IGSF1: variants seen among roughly 807,000 people sequenced by gnomAD.
IGSF1 encodes immunoglobulin-like domain-containing protein 1.
Under a neutral mutation model 95.3 loss-of-function variants are expected in IGSF1, and 40 were observed. The ratio of observed to expected loss-of-function variants is 0.42; its 90% CI spans 0.33 to 0.55. The LOEUF (loss-of-function observed/expected upper bound fraction) is 0.55. Among genes scored for constraint, IGSF1 ranks in the 20% least tolerant of loss-of-function variants. The pLI, the probability that IGSF1 is intolerant of heterozygous loss-of-function variation, is 0.10. For synonymous variants in IGSF1, 372 were observed against 382.9 expected (o/e 0.97, Z 0.33); for missense variants, 906 against 1,025.4 (o/e 0.88, Z 1.59).
Position 131,273,637 on chromosome X carries a change from C to T in IGSF1, c.*159G>A. The T allele has an allele frequency of 2.0e-6, 1 of 512,456 alleles. No homozygotes were observed. Among genetic ancestry groups the T allele is most frequent in the African/African-American group, 2.3e-5 (1 of 42,883 alleles). The allele number at this position is 512,456 out of a possible 1,213,427, so 42.2% of individuals were successfully genotyped here. A position where few individuals can be genotyped will look rare whatever the true frequency, so the allele number is the denominator to read the frequency against. On this transcript the variant is annotated 3_prime_UTR_variant, in exon 20 of 20. Transcript: ENST00000361420. ...ACCTCTCTTCAGGAAACATCTCACC[C>T]TGGCAGAGCTCTCAACTCCCAGAAT...
chrX:131,276,264 C>A lies in IGSF1; in HGVS notation c.2609-16G>T. ...GGGTAGAATTCTGAAATTAAAGAGA[C>A]CACAGCATGAGATAAACCCAGCCCT... On this transcript the variant is annotated splice_polypyrimidine_tract_variant and intron_variant, in intron 14 of 19. Coordinates refer to ENST00000361420, the MANE Select transcript of IGSF1 (RefSeq NM_001555.5). The A allele has an allele frequency of 1.7e-6, 2 of 1,188,183 alleles. No individual in the cohort carries two copies. The highest frequency in any genetic ancestry group is 2.4e-5 in the Admixed American group (1 of 41,657).
At chrX:131,284,560 T>TG (rs1285274566) in intron 5 of IGSF1, 26 of 750,247 alleles carry the variant, frequency 3.5e-5, no homozygotes, top group Non-Finnish European at 3.6e-5. Context: ...GGCCATGGGG[T>TG]GGGGGAGTTC....
At position 131,281,298 on chromosome X, in the gene IGSF1, C is replaced by A. The variant is rs145291097; in HGVS notation, c.1566G>T (p.Arg522Ser). 19 of 1,208,930 alleles carry A rather than the reference C, an allele frequency of 1.6e-5. No homozygotes were observed. In the South Asian group the frequency reaches 2.1e-4, roughly 13 times the overall value. Residue 522 changes from arginine to serine, a missense_variant, in exon 9 of 20, where the codon AGG becomes AGT. Arg to Ser is a moderately radical substitution (Grantham distance 110, BLOSUM62 -1). Coordinates refer to ENST00000361420, the MANE Select transcript of IGSF1 (RefSeq NM_001555.5). ...CAACAAGCTGCATGATTAGAGACAA[C>A]CTGATAGCTTCATTCAGAACGTAAT... ...TWNYVLNEAI[R>S]LSLIMQLVAL...
chrX:131,287,987 C>T (rs2080666019), intron 1 of IGSF1, among the ~76,000 whole-genome samples: 1 of 111,841 alleles, frequency 8.9e-6, no homozygotes, highest in South Asian at 3.8e-4. Flanking sequence ...GACCTTGGAC[C>T]TCAGCCTCAA....
chrX:131,281,078 G>C, intron 9 of IGSF1, 140 bp downstream of exon 9: 1 of 630,038 alleles, frequency 1.6e-6, no homozygotes, highest in Non-Finnish European at 2.5e-6. Flanking sequence ...GAGACAGGTG[G>C]GGTGAGAAAG....
At chrX:131,279,061 C>G (rs2080516544) in intron 11 of IGSF1, 82 bp downstream of exon 11, 13 of 1,014,189 alleles carry the variant, frequency 1.3e-5, no homozygotes, top group East Asian at 6.1e-5. Flanking sequence ...ACCAGCCACT[C>G]CCTGGCCAAT....
chrX:131,285,841 C>T lies in IGSF1; in HGVS notation c.305G>A (p.Gly102Asp). 1 of 1,210,751 alleles carries T rather than the reference C, an allele frequency of 8.3e-7. No homozygotes were observed. ...CTTCCAGTAGCAGCACCGGTAAAGA[C>T]CTGCATTGGACTCAGTAAGGGCACC... The part of the protein sequence containing the change: ...LIGALTESNA[G>D]LYRCCYWKET... The change falls in exon 4 of 20, where the codon GGT becomes GAT. Residue 102 changes from glycine (G) to aspartate (D), a missense_variant. Transcript: ENST00000361420.
chrX:131,280,536 C>A (rs1182188822), intron 9 of IGSF1, among the ~76,000 whole-genome samples: 1 of 111,841 alleles, frequency 8.9e-6, no homozygotes, highest in Non-Finnish European at 1.9e-5. Flanking sequence ...GTAGCCTGAG[C>A]ACAAGCCATG....
At position 131,277,950 on chromosome X, in the gene IGSF1, A is replaced by G. The variant is rs943197275; in HGVS notation, c.2226T>C (p.Asp742=). 1 of 1,210,702 alleles carries G rather than the reference A, an allele frequency of 8.3e-7. No homozygotes were observed. ...GGCAGCTGTAATTGCCTTCGTCTTT[A>G]TCCTCCATTCTCTGGATTGTAAAGA... is the stretch of plus-strand genomic sequence containing the variant. The part of the protein sequence containing the change: ...EAFFTIQRME[D]KDEGNYSCRT... The change falls in exon 13 of 20, where the codon GAT becomes GAC. Residue 742 remains aspartate (D), a synonymous_variant. Coordinates refer to ENST00000361420, the MANE Select transcript of IGSF1 (RefSeq NM_001555.5).
chrX:131,281,379 A>C (rs370858857), intron 8 of IGSF1, 41 bp from the exon 9 acceptor site: 9 of 1,203,217 alleles, frequency 7.5e-6, no homozygotes, highest in Non-Finnish European at 1.0e-5. Flanking sequence ...CTTGATGGGG[A>C]CAGGGGCAGG....
rs186052615 is a variant in IGSF1 at position 131,278,993 on chromosome X, G to T, written c.1750+150C>A. On this transcript the variant is annotated intron_variant, in intron 11 of 19. Coordinates refer to ENST00000361420, the MANE Select transcript of IGSF1 (RefSeq NM_001555.5). ...TTGCAGGCAGAAAGGCAAAGTTGGA[G>T]GCTGAATTTTGCCAGCAGCTTTAGC... is the stretch of plus-strand genomic sequence containing the variant. 3,436 of 693,625 alleles carry T rather than the reference G, an allele frequency of 5.0e-3. 15 individuals carry two copies. Among genetic ancestry groups the T allele is most frequent in the Non-Finnish European group, 6.0e-3 (2,622 of 440,254 alleles). The allele number at this position is 693,625 out of a possible 1,213,427, so 57.2% of individuals were successfully genotyped here.
At chrX:131,281,986 C>A (rs1319841808) in intron 7 of IGSF1, 42 bp from the exon 8 acceptor site, 1 of 1,103,830 alleles carries the variant, frequency 9.1e-7, no homozygotes, top group East Asian at 3.0e-5. Context: ...TGACCTCAAA[C>A]CCAGTACCCT....
rs764195808 is a variant in IGSF1, at chrX:131,281,669, C to T, written c.1522G>A (p.Ala508Thr). Residue 508 changes from alanine to threonine, a missense_variant, in exon 8 of 20, where the codon GCA becomes ACA. This residue lies in a region of IGSF1 where 442 missense variants were observed against 448.1 expected (regional missense o/e 0.99). Transcript: ENST00000361420. ...CTCTGAAGAGTTATCCTCTCACCTG[C>T]TGGCCCCATCAGCTTCAGGGGCTCA... is the stretch of plus-strand genomic sequence containing the variant. ...RSEPLKLMGP[A>T]GYLTWNYVLN... 6 of 1,208,616 alleles carry T rather than the reference C, an allele frequency of 5.0e-6. No homozygotes were observed. Among genetic ancestry groups the T allele is most frequent in the Non-Finnish European group, 5.6e-6 (5 of 893,327 alleles).
In IGSF1 at chrX:131,274,095, C is replaced by T. The variant is rs780562961; in HGVS notation, c.3863G>A (p.Arg1288Gln). The change falls in exon 19 of 20, where the codon CGA becomes CAA. Residue 1288 changes from arginine (R) to glutamine (Q), a missense_variant. By Grantham distance (43) the Arg-to-Gln change is conservative. Transcript: ENST00000361420. ...GGCATTTATTTACCTGGTTCGCAGT[C>T]GAGGCCACTTCTTCCACTCTATGGC... ...VLAIEWKKWP[R>Q]LRTRGSETDG... The T allele has an allele frequency of 1.2e-5, 15 of 1,209,536 alleles. No homozygotes were observed. The African/African-American group carries it at 1.6e-4, about 13-fold the overall frequency.
intron 5 of IGSF1, among the ~76,000 whole-genome samples, 161 bp from the exon 6 acceptor site, chrX:131,283,425 G>A (rs769533593): frequency 4.5e-5 from 5 of 111,937 alleles, no homozygotes; most frequent in Non-Finnish European, 7.5e-5. Context: ...ATAATCAAGG[G>A]TAGATTCACT....
intron 13 of IGSF1, 99 bp downstream of exon 13, chrX:131,277,757 C>A: frequency 6.2e-6 from 6 of 969,134 alleles, no homozygotes; most frequent in Non-Finnish European, 8.5e-6. Flanking sequence ...CTCTCAGGAC[C>A]AGCAGCAAAG....
chrX:131,277,418 C>T (rs1389757573), intron 13 of IGSF1, 192 bp from the exon 14 acceptor site: 16 of 433,163 alleles, frequency 3.7e-5, no homozygotes, highest in Middle Eastern at 6.2e-4. Flanking sequence ...ACCCTTCAAC[C>T]CCACCCCTCA....
chrX:131,275,841 TCTC>T lies in IGSF1; in HGVS notation c.2897-79_2897-77del. 7 of 1,159,137 alleles carry T rather than the reference TCTC, an allele frequency of 6.0e-6. No homozygotes were observed. The South Asian group carries it at 9.3e-5, about 15-fold the overall frequency. Reference sequence around the variant, plus strand: ...CCTGCTTAAATTAACACTCTATCTTTCTCCTCTTGGGCACGGTAGTTCCCCTCC... The same window carrying T: ...CCTGCTTAAATTAACACTCTATCTTTCTCTTGGGCACGGTAGTTCCCCTCC... On this transcript the variant is annotated intron_variant, in intron 15 of 19. Transcript: ENST00000361420.
At position 131,278,545 on chromosome X, in the gene IGSF1, T is replaced by G; in HGVS notation, c.1957A>C (p.Ser653Arg). The G allele has an allele frequency of 8.3e-7, 1 of 1,211,147 alleles. No individual in the cohort carries two copies. Among genetic ancestry groups the G allele is most frequent in the Non-Finnish European group, 1.1e-6 (1 of 894,927 alleles). ...TGGCAGTGGTAGCTCCCGGTGTGGC[T>G]CTGGGTCAGGGCGCCAAGGGGGAAG... ...AAFPLGALTQ[S>R]HTGSYHCHSW... Residue 653 changes from serine (S) to arginine (R), a missense_variant, in exon 12 of 20, where the codon AGC (serine) becomes CGC (arginine). This residue lies in a region of IGSF1 where 40 missense variants were observed against 33.4 expected (regional missense o/e 1.20). Coordinates refer to ENST00000361420, the MANE Select transcript of IGSF1 (RefSeq NM_001555.5).
Sources: gnomAD v4.1 joint callset for allele counts (sites outside exome capture counted in the v4.1 genomes callset) on GRCh38, gnomAD v4.1.1 for gene constraint, gnomAD v4.1.1 regional missense constraint, MANE v1.5 for transcripts, NCBI Gene and HGNC (gene_info 2026-07-23, HGNC 2026-07-21) for gene names.